PLCB1: variants seen among roughly 807,000 people sequenced by gnomAD.
PLCB1 encodes the protein phospholipase C beta 1.
A neutral mutation model predicts 161.8 loss-of-function variants in PLCB1; 46 were observed. That is an observed-to-expected ratio of 0.28 (90% confidence interval 0.22 to 0.36). The LOEUF (loss-of-function observed/expected upper bound fraction) is 0.36, where lower values mean the gene tolerates loss of function less well. Among genes scored for constraint, PLCB1 ranks in the 10% least tolerant of loss-of-function variants. PLCB1 has a pLI of 1.00. For missense variants in PLCB1, 1,016 were observed against 1,472.5 expected (o/e 0.69, Z 5.07); for synonymous variants, 517 against 503.7 (o/e 1.03, Z -0.35).
intron 3 of PLCB1, among the ~76,000 whole-genome samples, chr20:8,444,402 T>C (rs928737431): frequency 1.3e-5 from 2 of 152,226 alleles, no homozygotes; most frequent in South Asian, 2.1e-4. Flanking sequence ...GGCTGCATAG[T>C]ATTCCATGGT....
At chr20:8,551,892 G>T (rs1328173152) in intron 3 of PLCB1, among the ~76,000 whole-genome samples, 1 of 152,172 alleles carries the variant, frequency 6.6e-6, no homozygotes, top group African/African-American at 2.4e-5. Context: ...TTGGATTTCT[G>T]TAAAAGGGTC....
At chr20:8,749,389 AGGGCTCCAGGAGACACTTTTCCTGG>A (rs1258694757) in intron 23 of PLCB1, among the ~76,000 whole-genome samples, 3 of 152,214 alleles carry the variant, frequency 2.0e-5, no homozygotes, top group Non-Finnish European at 2.9e-5. Flanking sequence ...AAACCTGGGA[AGGGCTCCAGGAGACACTTTTCCTGG>A]GAATTATCCA....
intron 31 of PLCB1, 48 bp from the exon 32 acceptor site, chr20:8,881,574 T>G (rs371220080): frequency 9.1e-5 from 129 of 1,411,804 alleles, no homozygotes; most frequent in Admixed American, 1.5e-4. Flanking sequence ...GGAGTGGGTA[T>G]AGAAACATAA....
intron 3 of PLCB1, among the ~76,000 whole-genome samples, chr20:8,552,756 T>C (rs1438491748): frequency 1.3e-5 from 2 of 152,272 alleles, no homozygotes; most frequent in African/African-American, 4.8e-5. Context: ...GATTAAATTC[T>C]AGGCCCCATG....
At chr20:8,445,023 G>T (rs1354363488) in intron 3 of PLCB1, among the ~76,000 whole-genome samples, 1 of 151,992 alleles carries the variant, frequency 6.6e-6, no homozygotes, top group African/African-American at 2.4e-5. Flanking sequence ...GATAGTTTCT[G>T]TTGCTGTGCA....
rs1181808824 is a variant in PLCB1 at position 8,643,949 on chromosome 20, C to T, written c.385-2153C>T. 2.0e-5 allele frequency among the ~76,000 whole-genome samples: 3 copies of T among 152,210 alleles called. No homozygotes were observed. The East Asian group carries it at 5.8e-4, about 29-fold the overall frequency. ...GCCTGCGATTGCAGGCGCGCGCCGC[C>T]ACGCCTGACTGGTTTTCGTATTTTT... is the stretch of plus-strand genomic sequence containing the variant. On this transcript the variant is annotated intron_variant, in intron 4 of 31. Coordinates refer to ENST00000338037, the MANE Select transcript of PLCB1 (RefSeq NM_015192.4).
intron 3 of PLCB1, among the ~76,000 whole-genome samples, chr20:8,444,722 C>T (rs1380158576): frequency 2.6e-5 from 4 of 152,154 alleles, no homozygotes; most frequent in Non-Finnish European, 5.9e-5. Flanking sequence ...TGTTTCCTGA[C>T]TTTTTAATGA....
chr20:8,276,357 A>G (rs1328939132), intron 2 of PLCB1, among the ~76,000 whole-genome samples: 3 of 152,312 alleles, frequency 2.0e-5, no homozygotes, highest in East Asian at 3.9e-4. Flanking sequence ...AATGAAACAT[A>G]ATATTCCATT....
At chr20:8,510,060 G>A (rs1236678211) in intron 3 of PLCB1, among the ~76,000 whole-genome samples, 3 of 152,150 alleles carry the variant, frequency 2.0e-5, no homozygotes. Flanking sequence ...ACTGAATAAT[G>A]TCTTGATTGA....
chr20:8,790,195 A>C lies in PLCB1; in HGVS notation c.3357A>C (p.Lys1119Asn). ...YIKRLEEAQS[K>N]RQEKLVEKHK... ...TATAGCTAGAAGAAGCGCAAAGTAAACGGCAAGAAAAACTCGTAGAGAAAC... is the reference window on the plus strand; with the variant it reads ...TATAGCTAGAAGAAGCGCAAAGTAACCGGCAAGAAAAACTCGTAGAGAAAC... The change falls in exon 31 of 32, where the codon AAA becomes AAC. Residue 1119 changes from lysine (K) to asparagine (N), a missense_variant. By Grantham distance (94) the Lys-to-Asn change is moderately conservative. Around this residue, in one of 10 missense-constraint regions of PLCB1, gnomAD observed 398 missense variants for 445.4 expected, o/e 0.89. Transcript: ENST00000338037. 1.2e-6 allele frequency: 2 copies of C among 1,611,360 alleles called. No individual in the cohort carries two copies. The highest frequency in any genetic ancestry group is 1.7e-6 in the Non-Finnish European group (2 of 1,178,186).
At chr20:8,354,948 G>A (rs987707151) in intron 2 of PLCB1, among the ~76,000 whole-genome samples, 10 of 152,110 alleles carry the variant, frequency 6.6e-5, no homozygotes, top group Middle Eastern at 3.2e-3. Context: ...ATTAGAGAAC[G>A]CTTGCTATAA....
Position 8,280,607 on chromosome 20 carries a change from T to A in PLCB1, c.178-90775T>A, listed in dbSNP as rs993998380. ...TTCCAGGAAATGTAAATACTTGTTTTATATAAATATAAAAACAAGTGTCTT... is the reference window on the plus strand; with the variant it reads ...TTCCAGGAAATGTAAATACTTGTTTAATATAAATATAAAAACAAGTGTCTT... On this transcript the variant is annotated intron_variant, in intron 2 of 31. Transcript: ENST00000338037. Among the ~76,000 whole-genome samples the A allele has an allele frequency of 2.7e-4, 41 of 152,332 alleles. 1 individual carries two copies. Among genetic ancestry groups the A allele is most frequent in the Admixed American group, 2.5e-3 (38 of 15,296 alleles).
intron 23 of PLCB1, chr20:8,751,863 A>G (rs758368891): frequency 7.2e-5 from 11 of 152,200 alleles, no homozygotes; most frequent in Non-Finnish European, 1.6e-4. Context: ...CCAGATTTTT[A>G]TTCACTCATA....
chr20:8,472,677 CAA>C (rs564141828), intron 3 of PLCB1, among the ~76,000 whole-genome samples: 2 of 143,280 alleles, frequency 1.4e-5, no homozygotes, highest in African/African-American at 2.6e-5. Context: ...AACTTTGTCT[CAA>C]AAAAAAAAAA....
At chr20:8,851,761 A>G (rs1986895387) in intron 31 of PLCB1, among the ~76,000 whole-genome samples, 1 of 145,064 alleles carries the variant, frequency 6.9e-6, no homozygotes, top group African/African-American at 2.6e-5. Context: ...GAGTGTCATC[A>G]TTTAGGAGAC....
intron 3 of PLCB1, among the ~76,000 whole-genome samples, chr20:8,522,771 T>G (rs977486988): frequency 6.6e-6 from 1 of 152,164 alleles, no homozygotes; most frequent in African/African-American, 2.4e-5. Flanking sequence ...CACAAAAAAG[T>G]AAAATATGTC....
intron 1 of PLCB1, among the ~76,000 whole-genome samples, chr20:8,146,095 T>A (rs1371773732): frequency 9.6e-6 from 1 of 104,340 alleles, no homozygotes; most frequent in African/African-American, 5.6e-5. Context: ...TTACTGTTTT[T>A]GTTTTTTTTG....
intron 3 of PLCB1, among the ~76,000 whole-genome samples, chr20:8,489,993 T>C (rs376270935): frequency 6.6e-6 from 1 of 152,290 alleles, no homozygotes; most frequent in African/African-American, 2.4e-5. Context: ...CCAGTCATTT[T>C]TGGGGTAAGA....
intron 26 of PLCB1, among the ~76,000 whole-genome samples, chr20:8,770,444 T>C (rs1040143589): frequency 9.2e-5 from 14 of 152,228 alleles, no homozygotes; most frequent in Non-Finnish European, 1.8e-4. Context: ...ACCCCAAAAA[T>C]CTGAGACAGT....
Sources: allele counts gnomAD v4.1 joint callset (sites outside exome capture counted in the v4.1 genomes callset), GRCh38; gene constraint gnomAD v4.1.1; regional missense constraint gnomAD v4.1.1; transcripts MANE v1.5; gene names NCBI Gene and HGNC (gene_info 2026-07-23, HGNC 2026-07-21).